KCNAB2: variants seen among roughly 807,000 people sequenced by gnomAD.
KCNAB2 encodes voltage-gated potassium channel subunit beta-2.
A neutral mutation model predicts 63.6 loss-of-function variants in KCNAB2; 29 were observed. The observed-to-expected ratio is 0.46, with a 90% confidence interval of 0.34 to 0.62. The LOEUF (loss-of-function observed/expected upper bound fraction) is 0.62. Among genes scored for constraint, KCNAB2 ranks in the 20% least tolerant of loss-of-function variants. The pLI is 0.01. For missense variants in KCNAB2, 359 were observed against 563.9 expected, an observed-to-expected ratio of 0.64 and a Z score of 3.68; for synonymous variants, 222 against 224.2, an observed-to-expected ratio of 0.99 and a Z score of 0.09.
Position 6,051,492 on chromosome 1 carries a change from C to T in KCNAB2, c.-26-19C>T. On this transcript the variant is annotated intron_variant, in intron 1 of 15. Transcript: ENST00000378083. ...CGTGGGGCATTGGCACACTGTCTAA[C>T]TCATCACCGTCTGGACAGTGGCAGC... is the stretch of plus-strand genomic sequence containing the variant. The T allele has an allele frequency of 1.4e-6, 2 of 1,476,150 alleles. No individual in the cohort carries two copies. The highest frequency in any genetic ancestry group is 1.8e-6 in the Non-Finnish European group (2 of 1,110,196). The allele number at this position is 1,476,150 out of a possible 1,614,324, so 91.4% of individuals were successfully genotyped here.
At chr1:6,097,804 G>C (rs1665773958) in intron 15 of KCNAB2, 1 of 346,966 alleles carries the variant, frequency 2.9e-6, no homozygotes. Context: ...GAGCAGAGGG[G>C]CAGATCCTGA....
At chr1:6,041,947 C>A, upstream of KCNAB2, 2 of 1,345,742 alleles carry the variant, frequency 1.5e-6, no homozygotes, top group Non-Finnish European at 2.1e-6. Context: ...GCACCCTTGC[C>A]GAGCAGGGTG....
rs183471047 is a variant in KCNAB2, at chr1:6,051,394, G to T, written c.-26-117G>T. 7.1e-5 allele frequency: 88 copies of T among 1,240,974 alleles called. No homozygotes were observed. The Admixed American group carries it at 2.7e-3, about 38-fold the overall frequency. The allele number at this position is 1,240,974 out of a possible 1,614,324, so 76.9% of individuals were successfully genotyped here. On this transcript the variant is annotated intron_variant, in intron 1 of 15. Coordinates refer to ENST00000378083, the MANE Select transcript of KCNAB2 (RefSeq NM_001199862.2). Reference sequence around the variant, plus strand: ...TCCCACTCCTAGACACCAAGACCTGGTGGTGGCACTAGTTAAAGGATGTTT... The same window carrying T: ...TCCCACTCCTAGACACCAAGACCTGTTGGTGGCACTAGTTAAAGGATGTTT...
chr1:6,080,249 A>G (rs527634525), intron 4 of KCNAB2, among the ~76,000 whole-genome samples: 113 of 152,212 alleles, frequency 7.4e-4, no homozygotes, highest in African/African-American at 2.6e-3. Flanking sequence ...CAGGAGGAAG[A>G]CGAGGAGGAA....
chr1:6,064,466 G>T (rs1485248119), intron 2 of KCNAB2, among the ~76,000 whole-genome samples: 2 of 152,198 alleles, frequency 1.3e-5, no homozygotes, highest in Non-Finnish European at 2.9e-5. Context: ...TTCCATCTTG[G>T]CCCTGGCTTT....
upstream of KCNAB2, among the ~76,000 whole-genome samples, chr1:6,030,593 GTGTA>G (rs1262931626): frequency 6.6e-6 from 1 of 151,718 alleles, no homozygotes; most frequent in Non-Finnish European, 1.5e-5. Flanking sequence ...ATGTTTGTAT[GTGTA>G]TGTATCTGTA....
chr1:5,997,410 C>T (rs1657000093), intron 1 of KCNAB2, among the ~76,000 whole-genome samples: 3 of 152,220 alleles, frequency 2.0e-5, no homozygotes, highest in Non-Finnish European at 2.9e-5. Flanking sequence ...GGGAGGGACA[C>T]TCCTTGCCCT....
chr1:6,080,529 C>G (rs1320515090), intron 4 of KCNAB2, among the ~76,000 whole-genome samples: 1 of 152,192 alleles, frequency 6.6e-6, no homozygotes, highest in Non-Finnish European at 1.5e-5. Context: ...CCTCCACCCC[C>G]GGGCTTCCTG....
At chr1:6,040,172 G>A (rs1180329022) in intron 1 of KCNAB2, among the ~76,000 whole-genome samples, 3 of 152,226 alleles carry the variant, frequency 2.0e-5, no homozygotes, top group Non-Finnish European at 4.4e-5. Flanking sequence ...GGTCTCTTCT[G>A]CACCATGTGG....
upstream of KCNAB2, among the ~76,000 whole-genome samples, chr1:6,043,183 A>G (rs1405269070): frequency 2.0e-5 from 3 of 152,176 alleles, no homozygotes; most frequent in Non-Finnish European, 4.4e-5. Flanking sequence ...CTGCATCCTC[A>G]GAGAGCCGGG....
intron 2 of KCNAB2, among the ~76,000 whole-genome samples, chr1:6,066,627 C>G (rs1662779374): frequency 1.3e-5 from 2 of 152,206 alleles, no homozygotes; most frequent in Admixed American, 1.3e-4. Flanking sequence ...ACAGGGCCCC[C>G]CCAACATCCT....
intron 1 of KCNAB2, among the ~76,000 whole-genome samples, chr1:6,037,369 A>G (rs1186971230): frequency 6.6e-6 from 1 of 152,216 alleles, no homozygotes; most frequent in African/African-American, 2.4e-5. Flanking sequence ...CTGTGTGAGG[A>G]CATCCTGCCT....
rs181674355 is a variant in KCNAB2, at chr1:6,046,393, G to A, written c.-27+210G>A. On this transcript the variant is annotated intron_variant, in intron 1 of 15. Transcript: ENST00000378083. ...AATGACCGTGATGGATGGGGTGGTGGGCGGCAGGTTTCAGCCGGGCAGCAC... is the reference window on the plus strand; with the variant it reads ...AATGACCGTGATGGATGGGGTGGTGAGCGGCAGGTTTCAGCCGGGCAGCAC... 7.1e-4 allele frequency among the ~76,000 whole-genome samples: 108 copies of A among 152,312 alleles called. 1 individual carries two copies. Among genetic ancestry groups the A allele is most frequent in the African/African-American group, 2.5e-3 (103 of 41,562 alleles).
Position 6,015,599 on chromosome 1 carries a change from C to T in KCNAB2, c.-53+22811C>T, listed in dbSNP as rs1188782774. 3.3e-5 allele frequency among the ~76,000 whole-genome samples: 5 copies of T among 152,234 alleles called. 1 individual carries two copies. The highest frequency in any genetic ancestry group is 4.1e-4 in the South Asian group (2 of 4,832). ...AAGCACCCTGGGGAAGCGTCCTGTC[C>T]GCTGAAGACAGCTCCAGTGTCGATG... On this transcript the variant is annotated intron_variant, in intron 1 of 16. Coordinates refer to the KCNAB2 transcript ENST00000341524.
chr1:6,081,833 G>C (rs1664235418), intron 4 of KCNAB2, among the ~76,000 whole-genome samples: 1 of 152,166 alleles, frequency 6.6e-6, no homozygotes, highest in African/African-American at 2.4e-5. Flanking sequence ...CCCAAATGAG[G>C]TCACCTCTAA....
upstream of KCNAB2, among the ~76,000 whole-genome samples, chr1:6,044,092 G>T (rs890542821): frequency 6.6e-6 from 1 of 152,162 alleles, no homozygotes; most frequent in Non-Finnish European, 1.5e-5. Context: ...GGGTCAGAGC[G>T]CTGTCACCTC....
At chr1:6,005,892 C>T (rs1195583968) in intron 1 of KCNAB2, among the ~76,000 whole-genome samples, 1 of 148,952 alleles carries the variant, frequency 6.7e-6, no homozygotes, top group Non-Finnish European at 1.5e-5. Flanking sequence ...TGATCCATTC[C>T]ACCCTCACCC....
In KCNAB2 at chr1:6,089,066, G is replaced by T. The variant is rs907082825; in HGVS notation, c.514+15G>T. ...CATAATCGAAGGTGAGGACGCGCTC[G>T]GGCACCTCAGGGCCCCCATACCTGT... On this transcript the variant is annotated intron_variant, in intron 8 of 15. Coordinates refer to ENST00000378083, the MANE Select transcript of KCNAB2 (RefSeq NM_001199862.2). 1 of 1,547,390 alleles carries T rather than the reference G, an allele frequency of 6.5e-7. No individual in the cohort carries two copies. The highest frequency in any genetic ancestry group is 2.0e-5 in the Admixed American group (1 of 50,886).
At chr1:5,993,742 G>T (rs899662498) in intron 1 of KCNAB2, among the ~76,000 whole-genome samples, 1 of 152,122 alleles carries the variant, frequency 6.6e-6, no homozygotes, top group African/African-American at 2.4e-5. Context: ...CCTGGCCACC[G>T]TCTCCTTCCC....
Sources: allele counts gnomAD v4.1 joint callset (sites outside exome capture counted in the v4.1 genomes callset), GRCh38; gene constraint gnomAD v4.1.1; transcripts MANE v1.5; gene names NCBI Gene and HGNC (gene_info 2026-07-23, HGNC 2026-07-21).